ESRRG: variants seen among roughly 807,000 people sequenced by gnomAD.
ESRRG encodes the protein estrogen-related receptor gamma.
ESRRG carries 13 observed loss-of-function variants against 44.0 expected under a neutral mutation model. The observed-to-expected ratio is 0.30, with a 90% CI of 0.19 to 0.47. ESRRG has a LOEUF of 0.47. ESRRG is among the 20% of genes least tolerant of loss of function. ESRRG has a pLI of 1.00. For synonymous variants in ESRRG, 215 were observed against 214.6 expected (o/e 1.00, Z -0.02); for missense variants, 395 against 580.6 (o/e 0.68, Z 3.29).
intron 2 of ESRRG, among the ~76,000 whole-genome samples, chr1:216,866,918 A>G (rs1292378769): frequency 2.6e-5 from 4 of 152,138 alleles, no homozygotes; most frequent in Non-Finnish European, 5.9e-5. Flanking sequence ...CTACATAGAC[A>G]GTTTTTAACT....
chr1:216,560,552 G>C (rs1378494832), intron 5 of ESRRG, among the ~76,000 whole-genome samples: 1 of 152,082 alleles, frequency 6.6e-6, no homozygotes, highest in Non-Finnish European at 1.5e-5. Context: ...TCTGCATTTT[G>C]CTAACAAAGT....
intron 1 of ESRRG, among the ~76,000 whole-genome samples, chr1:217,133,641 CTCTCTCTTTCTTTCTTTCTTTCTTTCTT>C (rs2093000915): frequency 7.2e-5 from 3 of 41,750 alleles, no homozygotes; most frequent in Non-Finnish European, 1.7e-4. Context: ...TTCTCTCTCT[CTCTCTCTTTCTTTCTTTCTTTCTTTCTT>C]TCTTTCTTTC....
At chr1:216,713,166 G>A (rs1241483643) in intron 1 of ESRRG, among the ~76,000 whole-genome samples, 26 of 151,848 alleles carry the variant, frequency 1.7e-4, no homozygotes, top group Admixed American at 1.2e-3. Context: ...ATCTGAATAC[G>A]CCAAATTATT....
chr1:217,109,527 A>G (rs887845031), intron 1 of ESRRG, among the ~76,000 whole-genome samples: 7 of 152,200 alleles, frequency 4.6e-5, no homozygotes, highest in African/African-American at 1.7e-4. Flanking sequence ...AGATACCATT[A>G]AAGGAGCCCA....
intron 1 of ESRRG, among the ~76,000 whole-genome samples, chr1:217,082,270 A>C (rs1255542039): frequency 6.6e-6 from 1 of 152,234 alleles, no homozygotes; most frequent in Non-Finnish European, 1.5e-5. Context: ...AGATCTGTTC[A>C]GCACAGAGAA....
rs1403308198 is a variant in ESRRG at position 216,723,173 on chromosome 1, G to T, written c.56+71C>A. 5 of 1,284,344 alleles carry T rather than the reference G, an allele frequency of 3.9e-6. 1 individual carries two copies. The South Asian group carries it at 4.8e-5, about 12-fold the overall frequency. 79.6% of individuals were successfully genotyped at this position (1,284,344 alleles called of 1,614,324 possible). A position where few individuals can be genotyped will look rare whatever the true frequency, so the allele number is the denominator to read the frequency against. On this transcript the variant is annotated intron_variant, in intron 1 of 6. Transcript: ENST00000408911. ...GGCATTACCTGAATCAGTGTGTAAA[G>T]ATATAGTCTGTCCGCCCCCACCCCC...
At chr1:216,593,530 T>C (rs780594513) in intron 3 of ESRRG, among the ~76,000 whole-genome samples, 2 of 152,226 alleles carry the variant, frequency 1.3e-5, no homozygotes, top group Admixed American at 1.3e-4. Context: ...TAACAGCCAA[T>C]TGTAAATAAC....
chr1:216,713,344 T>C (rs2084048281), intron 1 of ESRRG, among the ~76,000 whole-genome samples: 1 of 150,086 alleles, frequency 6.7e-6, no homozygotes, highest in Non-Finnish European at 1.5e-5. Context: ...AACTTTATAA[T>C]TAATCTCATT....
intron 1 of ESRRG, among the ~76,000 whole-genome samples, chr1:217,099,985 G>GAAAA (rs5780965): frequency 7.3e-6 from 1 of 137,044 alleles, no homozygotes; most frequent in African/African-American, 2.7e-5. Context: ...TTTTTATCCA[G>GAAAA]AAAAAAAAAA....
intron 1 of ESRRG, among the ~76,000 whole-genome samples, chr1:217,055,250 C>T (rs559134190): frequency 3.9e-5 from 6 of 152,138 alleles, no homozygotes; most frequent in Admixed American, 3.3e-4. Context: ...CCCTATTAAC[C>T]TCAAAGGGAA....
At chr1:216,901,481 C>G (rs1236991858) in intron 2 of ESRRG, among the ~76,000 whole-genome samples, 2 of 151,930 alleles carry the variant, frequency 1.3e-5, no homozygotes, top group Admixed American at 1.3e-4. Flanking sequence ...AATCCTCCCA[C>G]CTCAGCCTAC....
chr1:216,607,481 A>G (rs926734758), intron 3 of ESRRG, among the ~76,000 whole-genome samples: 17 of 152,296 alleles, frequency 1.1e-4, no homozygotes, highest in Non-Finnish European at 1.9e-4. Flanking sequence ...TTATATTTGA[A>G]AGAAAGAAAC....
intron 2 of ESRRG, among the ~76,000 whole-genome samples, chr1:216,659,038 A>G (rs1307493626): frequency 1.3e-5 from 2 of 152,208 alleles, no homozygotes; most frequent in Non-Finnish European, 2.9e-5. Flanking sequence ...CTGCTAAAGT[A>G]CAAAAGAGGA....
chr1:216,871,138 T>C (rs1457999702), intron 2 of ESRRG, among the ~76,000 whole-genome samples: 1 of 152,018 alleles, frequency 6.6e-6, no homozygotes, highest in Non-Finnish European at 1.5e-5. Context: ...AAGCTTTCCC[T>C]GTAAGCACTG....
intron 2 of ESRRG, among the ~76,000 whole-genome samples, chr1:216,837,725 T>C (rs2095590193): frequency 1.3e-5 from 2 of 152,146 alleles, no homozygotes; most frequent in African/African-American, 4.8e-5. Context: ...CAGCTTACAG[T>C]GCCATGGCTT....
chr1:217,053,130 T>TC (rs2086366018), intron 1 of ESRRG, among the ~76,000 whole-genome samples: 1 of 43,264 alleles, frequency 2.3e-5, no homozygotes, highest in African/African-American at 8.5e-5. Context: ...CAAAATCCCA[T>TC]CTTAAAAAAA....
At chr1:216,624,287 A>C (rs1482724198) in intron 3 of ESRRG, among the ~76,000 whole-genome samples, 2 of 152,192 alleles carry the variant, frequency 1.3e-5, no homozygotes, top group African/African-American at 4.8e-5. Flanking sequence ...TATCATTGCA[A>C]AGATGAAAAA....
chr1:216,855,370 G>A (rs981323546), intron 2 of ESRRG, among the ~76,000 whole-genome samples: 11 of 152,022 alleles, frequency 7.2e-5, no homozygotes, highest in African/African-American at 2.4e-4. Context: ...TTTGGTGCCA[G>A]TCACTGGGAT....
intron 3 of ESRRG, among the ~76,000 whole-genome samples, chr1:216,617,140 T>C (rs2061529277): frequency 1.3e-5 from 2 of 152,164 alleles, no homozygotes; most frequent in African/African-American, 4.8e-5. Flanking sequence ...ACCCTAACGA[T>C]TTCCCAGAGT....
Sources: gnomAD v4.1 joint callset for allele counts (sites outside exome capture counted in the v4.1 genomes callset) on GRCh38, gnomAD v4.1.1 for gene constraint, MANE v1.5 for transcripts, NCBI Gene and HGNC (gene_info 2026-07-23, HGNC 2026-07-21) for gene names.